The following BTBD3 variants were observed in gnomAD, a reference collection of about 807,000 sequenced individuals.
BTBD3 encodes BTB/POZ domain-containing protein 3.
A neutral mutation model predicts 41.6 loss-of-function variants in BTBD3; 14 were observed. That is an observed-to-expected ratio of 0.34 (90% CI 0.22 to 0.53). The LOEUF (loss-of-function observed/expected upper bound fraction) is 0.53. Among genes scored for constraint, BTBD3 ranks in the 20% least tolerant of loss-of-function variants. The probability of loss-of-function intolerance (pLI) is 0.95; values close to 1 mark genes in which losing one functional copy is unlikely to be tolerated. For synonymous variants in BTBD3, 249 were observed against 233.7 expected, an observed-to-expected ratio of 1.07 and a Z score of -0.60; for missense variants, 426 against 654.7, an observed-to-expected ratio of 0.65 and a Z score of 3.81.
chr20:11,911,155 A>AG (rs531934618), intron 1 of BTBD3, among the ~76,000 whole-genome samples: 75 of 148,214 alleles, frequency 5.1e-4, no homozygotes, highest in Middle Eastern at 7.0e-3. Context: ...GAAAAAAAAA[A>AG]GCCTAATAGT....
chr20:11,926,147 CAG>C lies in BTBD3; in HGVS notation c.*2482_*2483del, dbSNP rs1335368292. On this transcript the variant is annotated 3_prime_UTR_variant, in exon 4 of 4. Transcript: ENST00000378226. Reference sequence around the variant, plus strand: ...ACTAGAAACCATTGTTCTAACAAAGCAGGCAACTTTATTCTATAAACACAACT... The same window carrying C: ...ACTAGAAACCATTGTTCTAACAAAGCGCAACTTTATTCTATAAACACAACT... The C allele has an allele frequency of 6.6e-6, 1 of 152,568 alleles. No individual in the cohort carries two copies. The highest frequency in any genetic ancestry group is 1.5e-5 in the Non-Finnish European group (1 of 68,030). 9.5% of individuals were successfully genotyped at this position (152,568 alleles called of 1,614,324 possible).
chr20:11,909,017 G>GCGGGTGGATCACATGAGGTCAGGAGTT (rs2056873337), intron 1 of BTBD3, among the ~76,000 whole-genome samples: 1 of 152,092 alleles, frequency 6.6e-6, no homozygotes, highest in African/African-American at 2.4e-5. Context: ...GGAGGCCTAG[G>GCGGGTGGATCACATGAGGTCAGGAGTT]CGGGTGGATC....
At chr20:11,912,866 G>A (rs941117214) in intron 1 of BTBD3, among the ~76,000 whole-genome samples, 5 of 152,158 alleles carry the variant, frequency 3.3e-5, no homozygotes, top group African/African-American at 9.7e-5. Context: ...TGCTTCCAGC[G>A]CTTGACTCCA....
In BTBD3 at chr20:11,926,235, C is replaced by G. The variant is rs546514019; in HGVS notation, c.*2569C>G. On this transcript the variant is annotated 3_prime_UTR_variant, in exon 4 of 4. Transcript: ENST00000378226. Reference sequence around the variant, plus strand: ...AACGTATCTGGCTGGCAGTCTTTGTCGTTGTTCATTCTGGGGATAAAGGGG... The same window carrying G: ...AACGTATCTGGCTGGCAGTCTTTGTGGTTGTTCATTCTGGGGATAAAGGGG... 1 of 152,582 alleles carries G rather than the reference C, an allele frequency of 6.6e-6. No individual in the cohort carries two copies. The highest frequency in any genetic ancestry group is 1.5e-5 in the Non-Finnish European group (1 of 68,028). 9.5% of individuals were successfully genotyped at this position (152,582 alleles called of 1,614,324 possible).
At chr20:11,919,219 A>G in intron 2 of BTBD3, 43 bp downstream of exon 2, 1 of 1,560,322 alleles carries the variant, frequency 6.4e-7, no homozygotes. Context: ...GACGTTTACA[A>G]AGAGGGACCC....
chr20:11,911,077 G>A (rs1039684574), intron 1 of BTBD3, among the ~76,000 whole-genome samples: 3 of 151,978 alleles, frequency 2.0e-5, no homozygotes, highest in East Asian at 1.9e-4. Flanking sequence ...AAATTTTACC[G>A]TATTTCACTG....
At chr20:11,901,993 A>ACTAG (rs1269732424) in intron 1 of BTBD3, among the ~76,000 whole-genome samples, 1 of 152,168 alleles carries the variant, frequency 6.6e-6, no homozygotes, top group Admixed American at 6.6e-5. Flanking sequence ...CTAGTAAAAG[A>ACTAG]CTAGACCCTT....
intron 1 of BTBD3, 25 bp from the exon 2 acceptor site, chr20:11,919,061 A>G: frequency 1.9e-6 from 3 of 1,572,964 alleles, no homozygotes; most frequent in Middle Eastern, 1.7e-4. Context: ...GCTGCTGTGA[A>G]TTAATGAGTT....
chr20:11,925,232 G>T lies in BTBD3; in HGVS notation c.*1566G>T, dbSNP rs1363878440. On this transcript the variant is annotated 3_prime_UTR_variant, in exon 4 of 4. Transcript: ENST00000378226. ...TGCCTGCGCACCCATGCGCATGCAA[G>T]TGTGTTTGCCAGCTCAGGAGCTGTC... 6.5e-6 allele frequency: 1 copy of T among 152,710 alleles called. No individual in the cohort carries two copies. Among genetic ancestry groups the T allele is most frequent in the African/African-American group, 2.4e-5 (1 of 41,470 alleles). The allele number at this position is 152,710 out of a possible 1,614,324, so 9.5% of individuals were successfully genotyped here. A position where few individuals can be genotyped will look rare whatever the true frequency, so the allele number is the denominator to read the frequency against.
At chr20:11,917,199 C>A (rs906924431), upstream of BTBD3, among the ~76,000 whole-genome samples, 7 of 152,084 alleles carry the variant, frequency 4.6e-5, no homozygotes, top group South Asian at 2.1e-4. Context: ...GAACATTGAT[C>A]ATCAGATTTG....
rs2056992761 is a variant in BTBD3 at position 11,923,747 on chromosome 20, A to G, written c.*81A>G. 4 of 1,310,240 alleles carry G rather than the reference A, an allele frequency of 3.1e-6. No individual in the cohort carries two copies. The South Asian group carries it at 4.2e-5, about 14-fold the overall frequency. 81.2% of individuals were successfully genotyped at this position (1,310,240 alleles called of 1,614,324 possible). The stretch of plus-strand genomic sequence containing the variant: ...CCTGATGCTTAGCTCATCTGCAAAT[A>G]TGTGATCAGTGCCGGTAATTTGTAA... On this transcript the variant is annotated 3_prime_UTR_variant, in exon 4 of 4. Transcript: ENST00000378226. The surrounding 1 kb of genome is among the most constrained non-coding windows in gnomAD (Gnocchi z 5.3).
chr20:11,912,572 G>T (rs376902569), intron 1 of BTBD3, among the ~76,000 whole-genome samples: 3 of 152,328 alleles, frequency 2.0e-5, no homozygotes, highest in African/African-American at 7.2e-5. Context: ...TCTGAAAAGA[G>T]TACAAGGATG....
chr20:11,891,066 G>A (rs1384191128), intron 1 of BTBD3: 3 of 755,146 alleles, frequency 4.0e-6, no homozygotes, highest in Admixed American at 6.3e-5. Context: ...CGAGCGAAGC[G>A]AGGAGAGGCC....
intron 1 of BTBD3, chr20:11,909,946 T>C (rs2056879302): frequency 6.6e-6 from 1 of 152,188 alleles, no homozygotes; most frequent in Admixed American, 6.5e-5. Context: ...AGAGCAGTGT[T>C]TATTTCTAAG....
Position 11,918,469 on chromosome 20 carries a change from A to G in BTBD3, c.194A>G (p.Asp65Gly). 1 of 1,614,174 alleles carries G rather than the reference A, an allele frequency of 6.2e-7. No individual in the cohort carries two copies. The highest frequency in any genetic ancestry group is 8.5e-7 in the Non-Finnish European group (1 of 1,180,032). ...LKTKKKKMAA[D>G]IFPRKKPANS... ...ACTAAAAAGAAGAAGATGGCTGCTG[A>G]TATATTCCCCCGTAAAAAGCCAGCC... is the stretch of plus-strand genomic sequence containing the variant. The change falls in exon 1 of 4, where the codon GAT becomes GGT. Residue 65 changes from aspartate to glycine, a missense_variant. Asp to Gly is a moderately conservative substitution (Grantham distance 94). Transcript: ENST00000378226.
At chr20:11,915,397 A>G (rs1039208108), upstream of BTBD3, among the ~76,000 whole-genome samples, 23 of 152,336 alleles carry the variant, frequency 1.5e-4, no homozygotes, top group African/African-American at 5.5e-4. Context: ...AGTTATTTTC[A>G]ATTCACTTAA....
intron 2 of BTBD3, chr20:11,919,459 A>G: frequency 7.2e-7 from 1 of 1,395,156 alleles, no homozygotes; most frequent in South Asian, 1.7e-5. Context: ...TCTCCTAGAA[A>G]TTAGTTATGT....
At chr20:11,891,215 C>G (rs2056751247) in intron 1 of BTBD3, 1 of 152,798 alleles carries the variant, frequency 6.5e-6, no homozygotes, top group East Asian at 2.0e-4. Context: ...CGGGCCCGCG[C>G]GGAGGTCCTG....
intron 1 of BTBD3, among the ~76,000 whole-genome samples, chr20:11,908,608 T>C (rs2122235448): frequency 6.6e-6 from 1 of 152,134 alleles, no homozygotes; most frequent in East Asian, 1.9e-4. Context: ...CTGACCTACT[T>C]ATATAGTAGC....
Sources: gnomAD v4.1 joint callset for allele counts (sites outside exome capture counted in the v4.1 genomes callset) on GRCh38, gnomAD v4.1.1 for gene constraint, Gnocchi (gnomAD v3.1) non-coding constraint, MANE v1.5 for transcripts, NCBI Gene and HGNC (gene_info 2026-07-23, HGNC 2026-07-21) for gene names.